CT47C1: variants seen among roughly 807,000 people sequenced by gnomAD.
The protein encoded by CT47C1 is cancer/testis antigen family 47 member C1.
At chrX:119,075,143 A>G in the CT47C1 span, 12 of 1,063,933 alleles carry the variant, frequency 1.1e-5, no homozygotes, top group Non-Finnish European at 1.5e-5. Flanking sequence ...GAATCACTCA[A>G]CTATTCCTGG....
At chrX:119,073,416 G>A in the CT47C1 span, 9 of 522,731 alleles carry the variant, frequency 1.7e-5, no homozygotes, top group Non-Finnish European at 6.9e-6. Flanking sequence ...CAGGCGGCAG[G>A]CTTGGCCGCA....
At chrX:119,073,389 G>A in the CT47C1 span, 1 of 533,335 alleles carries the variant, frequency 1.9e-6, no homozygotes, top group Non-Finnish European at 3.4e-6. Context: ...AGAGGCCTCG[G>A]GGAGGAGGAG....
chrX:119,075,486 G>A, the CT47C1 span, among the ~76,000 whole-genome samples: 1 of 111,950 alleles, frequency 8.9e-6, no homozygotes, highest in Non-Finnish European at 1.9e-5. Flanking sequence ...TCATTACTTA[G>A]CCACAGAAAT....
At chrX:119,075,150 C>T in the CT47C1 span, 1 of 1,054,228 alleles carries the variant, frequency 9.5e-7, no homozygotes, top group African/African-American at 1.8e-5. Context: ...TCAACTATTC[C>T]TGGCATTTAC....
At chrX:119,073,710 C>T in the CT47C1 span, 6 of 707,173 alleles carry the variant, frequency 8.5e-6, no homozygotes, top group East Asian at 3.4e-5. Context: ...CGCACTGCGG[C>T]GCCCAGTGGC....
chrX:119,075,654 AAAAGAATGTGTGTAATTAAGTCTTAAGG>A, the CT47C1 span, among the ~76,000 whole-genome samples: 3 of 112,333 alleles, frequency 2.7e-5, no homozygotes, highest in African/African-American at 3.2e-5. Flanking sequence ...GTGACAAATG[AAAAGAATGTGTGTAATTAAGTCTTAAGG>A]CATATCTGTC....
the CT47C1 span, among the ~76,000 whole-genome samples, chrX:119,074,758 G>A: frequency 1.4e-4 from 16 of 111,047 alleles, no homozygotes; most frequent in Non-Finnish European, 1.9e-4. Context: ...TGTCACTGTG[G>A]AAATGATCAA....
At chrX:119,073,565 G>A in the CT47C1 span, 9 of 522,611 alleles carry the variant, frequency 1.7e-5, no homozygotes, top group South Asian at 5.0e-5. Context: ...CGACTTGGTC[G>A]CGGCCGCCCG....
At chrX:119,073,360 C>T in the CT47C1 span, 381 of 532,987 alleles carry the variant, frequency 7.1e-4, no homozygotes, top group African/African-American at 7.3e-3. Flanking sequence ...ACACTGTGGC[C>T]GGAGTCGCAG....
the CT47C1 span, among the ~76,000 whole-genome samples, chrX:119,074,314 T>C: frequency 5.1e-4 from 57 of 111,612 alleles, no homozygotes; most frequent in African/African-American, 1.8e-3. Context: ...TGCCGCCCTC[T>C]ACCAACCTGT....
At chrX:119,073,546 G>T in the CT47C1 span, 2 of 520,249 alleles carry the variant, frequency 3.8e-6, no homozygotes, top group Non-Finnish European at 6.9e-6. Flanking sequence ...GGAACGAGGC[G>T]GACAACTTCG....
chrX:119,074,809 A>G, the CT47C1 span, among the ~76,000 whole-genome samples: 1 of 111,473 alleles, frequency 9.0e-6, no homozygotes, highest in Non-Finnish European at 1.9e-5. Context: ...TGTGAAAACC[A>G]GTAGGAAGGT....
the CT47C1 span, chrX:119,076,411 C>G: frequency 8.9e-6 from 1 of 112,511 alleles, no homozygotes; most frequent in Non-Finnish European, 1.9e-5. Flanking sequence ...ATAAATAATT[C>G]TGACTCAAAT....
the CT47C1 span, among the ~76,000 whole-genome samples, chrX:119,075,734 T>C: frequency 1.0e-5 from 1 of 100,004 alleles, no homozygotes; most frequent in Admixed American, 1.0e-4. Context: ...CTTTTTTCTT[T>C]TTTTTTTTTT....
the CT47C1 span, among the ~76,000 whole-genome samples, chrX:119,073,016 C>T: frequency 5.3e-5 from 6 of 112,178 alleles, no homozygotes; most frequent in Non-Finnish European, 1.1e-4. Flanking sequence ...CCAACCTCAG[C>T]GGGAGGCTCC....
chrX:119,076,492 G>A, the CT47C1 span: 2 of 112,105 alleles, frequency 1.8e-5, no homozygotes, highest in South Asian at 3.7e-4. Flanking sequence ...CATTTAGTAA[G>A]ACTGTTTTAA....
chrX:119,073,495 G>A, the CT47C1 span: 1 of 513,320 alleles, frequency 1.9e-6, no homozygotes, highest in Non-Finnish European at 3.5e-6. Context: ...TGGAGGAGGA[G>A]GAGGATGAGG....
the CT47C1 span, chrX:119,073,958 G>T: frequency 1.3e-6 from 1 of 772,296 alleles, no homozygotes; most frequent in Non-Finnish European, 2.0e-6. Flanking sequence ...GAAGCCCACA[G>T]AGGAGGCCGC....
chrX:119,075,221 T>A, the CT47C1 span: 1 of 953,770 alleles, frequency 1.0e-6, no homozygotes, highest in Non-Finnish European at 1.4e-6. Flanking sequence ...GAAAAGGTTT[T>A]AGTTTAAAAA....
Sources: allele counts gnomAD v4.1 joint callset (sites outside exome capture counted in the v4.1 genomes callset), GRCh38; gene constraint gnomAD v4.1.1; transcripts MANE v1.5; gene names NCBI Gene and HGNC (gene_info 2026-07-23, HGNC 2026-07-21).